IPCEF1: variants seen among roughly 807,000 people sequenced by gnomAD.
IPCEF1 encodes the protein interactor protein for cytohesin exchange factors 1.
IPCEF1 carries 31 observed loss-of-function variants against 50.9 expected under a neutral mutation model. That is an observed-to-expected ratio of 0.61 (90% CI 0.46 to 0.82). IPCEF1 has a LOEUF of 0.82. Among genes scored for constraint, IPCEF1 ranks in the 40% least tolerant of loss-of-function variants. The pLI is 0.00. For synonymous variants in IPCEF1, 181 were observed against 192.0 expected (o/e 0.94, Z 0.47); for missense variants, 458 against 514.0 (o/e 0.89, Z 1.05).
intron 5 of IPCEF1, among the ~76,000 whole-genome samples, chr6:154,237,913 T>C (rs1780266674): frequency 6.6e-6 from 1 of 152,216 alleles, no homozygotes; most frequent in Non-Finnish European, 1.5e-5. Context: ...ATTCAATATA[T>C]ATCAATTTAT....
chr6:154,346,311 A>G (rs1431562881), intron 1 of IPCEF1, among the ~76,000 whole-genome samples: 1 of 152,154 alleles, frequency 6.6e-6, no homozygotes, highest in Non-Finnish European at 1.5e-5. Flanking sequence ...AATGCATTCT[A>G]TATGTACTAA....
Position 154,355,491 on chromosome 6 carries a change from T to A in IPCEF1, c.-62+1181A>T, listed in dbSNP as rs901770992. Among the ~76,000 whole-genome samples, 37 of 132,226 alleles carry A rather than the reference T, an allele frequency of 2.8e-4. 1 individual carries two copies. The highest frequency in any genetic ancestry group is 8.1e-4 in the Admixed American group (10 of 12,274). 86.7% of individuals were successfully genotyped at this position (132,226 alleles called of 152,430 possible). On this transcript the variant is annotated intron_variant, in intron 1 of 11. Transcript: ENST00000367220. ...CATTTCTGTTTCTTTTCTTTCTTTC[T>A]TTCTTTTTTTTTTTTGAGATGAACT... is the stretch of plus-strand genomic sequence containing the variant.
At chr6:154,200,134 G>A in intron 9 of IPCEF1, 94 bp from the exon 10 acceptor site, 1 of 1,178,682 alleles carries the variant, frequency 8.5e-7, no homozygotes, top group Non-Finnish European at 1.2e-6. Flanking sequence ...GTGTCCCCGT[G>A]TTATTTCAAA....
chr6:154,175,386 CT>C (rs149218711), intron 10 of IPCEF1, among the ~76,000 whole-genome samples: 314 of 143,218 alleles, frequency 2.2e-3, no homozygotes, highest in African/African-American at 5.7e-3. Flanking sequence ...AATCCAGGAG[CT>C]TTTTTTTTTT....
intron 5 of IPCEF1, among the ~76,000 whole-genome samples, chr6:154,246,380 G>T (rs1781044714): frequency 6.6e-6 from 1 of 152,204 alleles, no homozygotes; most frequent in South Asian, 2.1e-4. Context: ...CCCAGCCAGA[G>T]TAGTCAAACA....
chr6:154,225,101 T>G (rs1043987781), intron 5 of IPCEF1, among the ~76,000 whole-genome samples: 4 of 152,166 alleles, frequency 2.6e-5, no homozygotes, highest in Non-Finnish European at 5.9e-5. Flanking sequence ...ATTTCAGAAT[T>G]TTTCTGATTT....
At chr6:154,272,885 G>GA (rs999525170) in intron 2 of IPCEF1, among the ~76,000 whole-genome samples, 3 of 151,984 alleles carry the variant, frequency 2.0e-5, no homozygotes, top group African/African-American at 4.8e-5. Context: ...TAAGAATCAA[G>GA]AAAAAAATTC....
chr6:154,173,166 C>G (rs1413671181), intron 10 of IPCEF1, among the ~76,000 whole-genome samples: 2 of 152,192 alleles, frequency 1.3e-5, no homozygotes, highest in African/African-American at 4.8e-5. Flanking sequence ...ATCCGTAGGT[C>G]ACCAACACCT....
chr6:154,260,751 A>G (rs1302192742), intron 3 of IPCEF1, among the ~76,000 whole-genome samples: 2 of 152,134 alleles, frequency 1.3e-5, no homozygotes, highest in Non-Finnish European at 2.9e-5. Flanking sequence ...GATTACAGGC[A>G]TGAGCCACCA....
intron 10 of IPCEF1, among the ~76,000 whole-genome samples, chr6:154,183,467 A>G (rs180769578): frequency 6.6e-6 from 1 of 152,362 alleles, no homozygotes; most frequent in African/African-American, 2.4e-5. Context: ...ACCAAAATCC[A>G]AAAATTATAT....
intron 1 of IPCEF1, among the ~76,000 whole-genome samples, chr6:154,335,525 A>T (rs2092418): frequency 0.61 from 92,357 of 152,036 alleles, 28,938 homozygotes; most frequent in East Asian, 0.9. Context: ...AAGAAAACAA[A>T]CAACAGAGTG....
chr6:154,345,722 TAAAG>T (rs912485580), intron 1 of IPCEF1, among the ~76,000 whole-genome samples: 216 of 152,322 alleles, frequency 1.4e-3, no homozygotes, highest in African/African-American at 5.1e-3. Flanking sequence ...TCAGTTATCA[TAAAG>T]AAAGAAATCT....
At chr6:154,231,483 G>A (rs1583859917) in intron 5 of IPCEF1, among the ~76,000 whole-genome samples, 2 of 152,362 alleles carry the variant, frequency 1.3e-5, no homozygotes, top group Admixed American at 1.3e-4. Context: ...TGCAAAGAAT[G>A]CAAATGTCTG....
chr6:154,190,005 T>C (rs1373557569), intron 10 of IPCEF1, among the ~76,000 whole-genome samples: 1 of 152,056 alleles, frequency 6.6e-6, no homozygotes, highest in Non-Finnish European at 1.5e-5. Context: ...ATGTCAATTA[T>C]AGGTAAGAAA....
At chr6:154,339,162 T>C (rs1438450230) in intron 1 of IPCEF1, among the ~76,000 whole-genome samples, 4 of 152,148 alleles carry the variant, frequency 2.6e-5, no homozygotes, top group African/African-American at 9.7e-5. Flanking sequence ...TGCTCCTCGG[T>C]GGCCATTCTC....
intron 10 of IPCEF1, among the ~76,000 whole-genome samples, chr6:154,197,733 G>C (rs1776727823): frequency 6.6e-6 from 1 of 152,156 alleles, no homozygotes; most frequent in Non-Finnish European, 1.5e-5. Flanking sequence ...GGTCCTAAAA[G>C]AAAACCCTCA....
At chr6:154,235,583 C>T (rs1206422959) in intron 5 of IPCEF1, among the ~76,000 whole-genome samples, 1 of 147,584 alleles carries the variant, frequency 6.8e-6, no homozygotes, top group African/African-American at 2.5e-5. Context: ...CTTTTAAAAT[C>T]ACAGTCAGTA....
chr6:154,243,659 T>C (rs4295492), intron 5 of IPCEF1, among the ~76,000 whole-genome samples: 67,634 of 152,084 alleles, frequency 0.44, 15,694 homozygotes, highest in Admixed American at 0.57. Context: ...TCAGAACCCG[T>C]TGAAGGCAGA....
chr6:154,277,165 G>T (rs1015088305), intron 2 of IPCEF1, among the ~76,000 whole-genome samples: 8 of 152,192 alleles, frequency 5.3e-5, no homozygotes, highest in Non-Finnish European at 1.2e-4. Context: ...GCTATGAATT[G>T]AAGGCTTAAA....
Sources: gnomAD v4.1 joint callset for allele counts (sites outside exome capture counted in the v4.1 genomes callset) on GRCh38, gnomAD v4.1.1 for gene constraint, MANE v1.5 for transcripts, NCBI Gene and HGNC (gene_info 2026-07-23, HGNC 2026-07-21) for gene names.